The following SASH1 variants were observed in gnomAD, a reference collection of about 807,000 sequenced individuals.
SASH1 encodes SAM and SH3 domain-containing protein 1.
Under a neutral mutation model 125.2 loss-of-function variants are expected in SASH1, and 44 were observed. The ratio of observed to expected loss-of-function variants is 0.35; its 90% CI spans 0.28 to 0.45. SASH1 has a LOEUF of 0.45. Among genes scored for constraint, SASH1 ranks in the 20% least tolerant of loss-of-function variants. SASH1 has a pLI of 1.00. For synonymous variants in SASH1, 639 were observed against 649.1 expected (o/e 0.98, Z 0.24); for missense variants, 1,426 against 1,614.5 (o/e 0.88, Z 2.00).
chr6:148,208,444 A>G, the SASH1 span, among the ~76,000 whole-genome samples: 5,001 of 152,316 alleles, frequency 0.033, 247 homozygotes, highest in African/African-American at 0.12. Context: ...GATGGTGGAC[A>G]GGAAGAGGGG....
At chr6:148,322,480 T>G (rs567880145) in intron 1 of SASH1, among the ~76,000 whole-genome samples, 9 of 152,362 alleles carry the variant, frequency 5.9e-5, no homozygotes, top group African/African-American at 1.9e-4. Flanking sequence ...CTTGGGCTTC[T>G]TCACATTTGT....
intron 1 of SASH1, among the ~76,000 whole-genome samples, chr6:148,351,650 C>CTTTTT (rs67177596): frequency 3.4e-5 from 4 of 116,038 alleles, no homozygotes; most frequent in African/African-American, 1.0e-4. Context: ...TTACTCACCG[C>CTTTTT]TTTTTTTTTT....
At chr6:148,329,538 T>C (rs534338706) in intron 1 of SASH1, among the ~76,000 whole-genome samples, 1 of 152,342 alleles carries the variant, frequency 6.6e-6, no homozygotes, top group East Asian at 1.9e-4. Flanking sequence ...TGCCACCTCT[T>C]TTGATGATTT....
intron 1 of SASH1, among the ~76,000 whole-genome samples, chr6:148,300,498 G>A (rs1779910431): frequency 6.7e-6 from 1 of 148,550 alleles, no homozygotes; most frequent in Admixed American, 6.8e-5. Context: ...ACCCAGGCTG[G>A]AGTGTGGTAG....
chr6:148,537,776 CTGTGTGTGTGTGTGTGTGTGTGTGTG>C (rs55644027), intron 16 of SASH1, among the ~76,000 whole-genome samples: 1,267 of 125,694 alleles, frequency 0.01, 16 homozygotes, highest in African/African-American at 0.033. Context: ...TTAGCATATT[CTGTGTGTGTGTGTGTGTGTGTGTGTG>C]TGTGTGTGTG....
intron 16 of SASH1, among the ~76,000 whole-genome samples, chr6:148,538,012 G>A (rs972522843): frequency 5.9e-5 from 9 of 152,190 alleles, no homozygotes; most frequent in Admixed American, 2.6e-4. Context: ...TGGCACCCAC[G>A]CTGACAAGTG....
chr6:148,350,790 G>A (rs1415904572), intron 1 of SASH1, among the ~76,000 whole-genome samples: 6 of 152,208 alleles, frequency 3.9e-5, no homozygotes, highest in Non-Finnish European at 5.9e-5. Context: ...AGTACAGACT[G>A]AGACTACAAG....
chr6:148,259,881 C>CTATT, the SASH1 span, among the ~76,000 whole-genome samples: 2 of 151,878 alleles, frequency 1.3e-5, no homozygotes, highest in African/African-American at 2.4e-5. Flanking sequence ...GACTTTTTAT[C>CTATT]TATTTATTTA....
intron 1 of SASH1, among the ~76,000 whole-genome samples, chr6:148,303,243 G>T (rs1780023152): frequency 6.6e-6 from 1 of 151,974 alleles, no homozygotes; most frequent in Non-Finnish European, 1.5e-5. Context: ...ACCTCCCACA[G>T]TGCTGCAATT....
chr6:148,536,835 G>A (rs1435551824), intron 16 of SASH1, among the ~76,000 whole-genome samples: 1 of 152,150 alleles, frequency 6.6e-6, no homozygotes, highest in Non-Finnish European at 1.5e-5. Context: ...GGAGGGTATC[G>A]CTATCCATCA....
chr6:148,539,712 A>T (rs1021268731), intron 16 of SASH1, among the ~76,000 whole-genome samples: 7 of 152,178 alleles, frequency 4.6e-5, no homozygotes, highest in Non-Finnish European at 8.8e-5. Context: ...TTTTACTTAT[A>T]TGCAGGAGAC....
chr6:148,537,054 A>G (rs1024623146), intron 16 of SASH1, among the ~76,000 whole-genome samples: 28 of 152,190 alleles, frequency 1.8e-4, no homozygotes, highest in African/African-American at 6.8e-4. Context: ...GGATTTTTAC[A>G]TCCAATACAG....
At chr6:148,241,654 A>G in the SASH1 span, among the ~76,000 whole-genome samples, 1 of 152,240 alleles carries the variant, frequency 6.6e-6, no homozygotes, top group Non-Finnish European at 1.5e-5. Flanking sequence ...AATATCATAT[A>G]GCTGCATAAA....
rs1781586309 is a variant in SASH1, at chr6:148,532,599, CCTGTCCA to C, written c.1565-194_1565-188del. ...CATGAGGGTAACTTGCTGTGAGTCC[CCTGTCCA>C]CTGAGGAGCTGAGGGATAGCACTCG... is the stretch of plus-strand genomic sequence containing the variant. On this transcript the variant is annotated intron_variant, in intron 13 of 19. Coordinates refer to ENST00000367467, the MANE Select transcript of SASH1 (RefSeq NM_015278.5). The surrounding 1 kb of genome is among the most constrained non-coding windows in gnomAD (Gnocchi z 4.7). Among the ~76,000 whole-genome samples the C allele has an allele frequency of 6.6e-6, 1 of 152,140 alleles. No homozygotes were observed. Among genetic ancestry groups the C allele is most frequent in the Admixed American group, 6.5e-5 (1 of 15,280 alleles).
At chr6:148,203,398 C>T in the SASH1 span, among the ~76,000 whole-genome samples, 8 of 152,138 alleles carry the variant, frequency 5.3e-5, no homozygotes, top group Admixed American at 3.3e-4. Flanking sequence ...CCCTTCCTTT[C>T]TGTTTCTCCT....
intron 2 of SASH1, among the ~76,000 whole-genome samples, chr6:148,393,179 T>C (rs900793580): frequency 6.6e-6 from 1 of 151,340 alleles, no homozygotes; most frequent in East Asian, 1.9e-4. Context: ...CCCGAGTAGC[T>C]GGGATTACAG....
At position 148,377,014 on chromosome 6, in the gene SASH1, C is replaced by CA. The variant is rs570127940; in HGVS notation, c.157-13114dup. Among the ~76,000 whole-genome samples the CA allele has an allele frequency of 7.2e-3, 1,080 of 149,856 alleles. 13 individuals carry two copies. Among genetic ancestry groups the CA allele is most frequent in the African/African-American group, 0.022 (903 of 40,664 alleles). Reference sequence around the variant, plus strand: ...TGAAACCCCGTCTCTACTAAAAATACAAAAAATTAGCCGGGCGTAGTGGCG... The same window carrying CA: ...TGAAACCCCGTCTCTACTAAAAATACAAAAAAATTAGCCGGGCGTAGTGGCG... On this transcript the variant is annotated intron_variant, in intron 1 of 19. Coordinates refer to ENST00000367467, the MANE Select transcript of SASH1 (RefSeq NM_015278.5).
At position 148,474,101 on chromosome 6, in the gene SASH1, A is replaced by C. The variant is rs1778233760; in HGVS notation, c.515-9A>C. ...TTCACTCCTGTTGTTCTTTGTCCTC[A>C]ATCTCCAGGAGAAGACGTTGGTTAT... On this transcript the variant is annotated splice_polypyrimidine_tract_variant and intron_variant, in intron 6 of 19. Transcript: ENST00000367467. 1.3e-6 allele frequency: 2 copies of C among 1,584,228 alleles called. No homozygotes were observed. The highest frequency in any genetic ancestry group is 1.7e-6 in the Non-Finnish European group (2 of 1,155,722).
chr6:148,511,788 T>C (rs537985988), intron 8 of SASH1, among the ~76,000 whole-genome samples: 32 of 152,228 alleles, frequency 2.1e-4, no homozygotes, highest in African/African-American at 7.7e-4. Flanking sequence ...CATATAATGA[T>C]TTGTGTCTTT....
Sources: gnomAD v4.1 joint callset for allele counts (sites outside exome capture counted in the v4.1 genomes callset) on GRCh38, gnomAD v4.1.1 for gene constraint, Gnocchi (gnomAD v3.1) non-coding constraint, MANE v1.5 for transcripts, NCBI Gene and HGNC (gene_info 2026-07-23, HGNC 2026-07-21) for gene names.